OCA2: variants seen among roughly 807,000 people sequenced by gnomAD.
OCA2 encodes the protein P protein.
OCA2 carries 77 observed loss-of-function variants against 100.2 expected under a neutral mutation model. That is an observed-to-expected ratio of 0.77 (90% CI 0.64 to 0.93). OCA2 has a LOEUF of 0.93. OCA2 is among the 40% of genes least tolerant of loss of function. OCA2 has a pLI of 0.00. For synonymous variants in OCA2, 432 were observed against 439.2 expected (o/e 0.98, Z 0.21); for missense variants, 1,062 against 1,089.1 (o/e 0.98, Z 0.35).
intron 23 of OCA2, among the ~76,000 whole-genome samples, chr15:27,799,235 A>G (rs1367637905): frequency 2.4e-4 from 37 of 152,190 alleles, no homozygotes; most frequent in Admixed American, 2.4e-3. Flanking sequence ...AGTACACTAA[A>G]CACCTACTGC....
intron 19 of OCA2, among the ~76,000 whole-genome samples, chr15:27,900,162 T>G (rs1163530507): frequency 1.3e-5 from 2 of 152,172 alleles, no homozygotes; most frequent in Non-Finnish European, 2.9e-5. Flanking sequence ...CAGTAGGGAC[T>G]TTCCCCTCTA....
rs559304280 is a variant in OCA2, at chr15:27,943,510, T to C, written c.1951+8274A>G. ...AGAATCCCCTTCCCTTTCCAAAACC[T>C]TTCCCTAAGACTCTGGTAATTTTTT... On this transcript the variant is annotated intron_variant, in intron 18 of 23. Transcript: ENST00000354638. 1.6e-4 allele frequency among the ~76,000 whole-genome samples: 24 copies of C among 152,194 alleles called. No homozygotes were observed. In the South Asian group the frequency reaches 4.8e-3, roughly 30 times the overall value.
intron 9 of OCA2, among the ~76,000 whole-genome samples, chr15:28,011,052 C>T (rs1160949248): frequency 1.3e-5 from 2 of 152,148 alleles, no homozygotes; most frequent in African/African-American, 4.8e-5. Flanking sequence ...AATTTTTAAC[C>T]AAGGAGCAAA....
At chr15:27,847,353 C>G (rs1013494416) in intron 22 of OCA2, among the ~76,000 whole-genome samples, 5 of 152,344 alleles carry the variant, frequency 3.3e-5, no homozygotes, top group Admixed American at 3.3e-4. Context: ...TCTCCCTCCC[C>G]TCACAGGATG....
Position 27,766,787 on chromosome 15 carries a change from T to C in OCA2, c.2433-11315A>G, listed in dbSNP as rs574335970. 8.5e-5 allele frequency among the ~76,000 whole-genome samples: 13 copies of C among 152,318 alleles called. No homozygotes were observed. The South Asian group carries it at 1.7e-3, about 19-fold the overall frequency. ...AGGGCACCTACCTCCCAGCCATCCC[T>C]TGAACACAGGCAGGCTACCCTGGGG... On this transcript the variant is annotated intron_variant, in intron 23 of 23. Transcript: ENST00000354638.
chr15:27,834,916 G>A (rs1436337167), intron 23 of OCA2, among the ~76,000 whole-genome samples: 3 of 152,150 alleles, frequency 2.0e-5, no homozygotes, highest in African/African-American at 4.8e-5. Flanking sequence ...CTAAGCCAAC[G>A]GGACAATGCA....
chr15:28,041,615 G>A (rs1221570302), intron 2 of OCA2, among the ~76,000 whole-genome samples: 1 of 152,186 alleles, frequency 6.6e-6, no homozygotes, highest in African/African-American at 2.4e-5. Flanking sequence ...AACTTTATGT[G>A]TAGAAAACTC....
chr15:27,848,440 T>C (rs924319), intron 22 of OCA2, among the ~76,000 whole-genome samples: 54,409 of 152,074 alleles, frequency 0.36, 10,002 homozygotes, highest in Middle Eastern at 0.53. Context: ...GGGCTCCATG[T>C]GGTAGGGAGA....
chr15:27,984,669 T>A (rs2140975443), intron 13 of OCA2, among the ~76,000 whole-genome samples: 1 of 152,310 alleles, frequency 6.6e-6, no homozygotes, highest in Middle Eastern at 3.4e-3. Flanking sequence ...CAAGGGATTC[T>A]CCTGCCTCAG....
intron 23 of OCA2, among the ~76,000 whole-genome samples, chr15:27,832,460 G>T (rs556597810): frequency 8.5e-5 from 13 of 152,250 alleles, no homozygotes; most frequent in Admixed American, 8.5e-4. Flanking sequence ...CCCTCCCCCG[G>T]GTGCCTTCCA....
At chr15:27,830,435 TTAAA>T (rs1363532375) in intron 23 of OCA2, among the ~76,000 whole-genome samples, 1 of 151,748 alleles carries the variant, frequency 6.6e-6, no homozygotes, top group East Asian at 1.9e-4. Context: ...AATAAATAAA[TTAAA>T]TACTTAAAAT....
At chr15:27,936,061 T>C (rs2039440294) in intron 18 of OCA2, among the ~76,000 whole-genome samples, 1 of 152,246 alleles carries the variant, frequency 6.6e-6, no homozygotes, top group African/African-American at 2.4e-5. Flanking sequence ...CACCCTTTCA[T>C]GAAGTACTAC....
chr15:28,041,627 A>G (rs1448921555), intron 2 of OCA2, among the ~76,000 whole-genome samples: 4 of 152,234 alleles, frequency 2.6e-5, no homozygotes, highest in Admixed American at 6.5e-5. Context: ...AGAAAACTCT[A>G]AAGACTCCAT....
chr15:28,070,153 A>C (rs1186440363), intron 2 of OCA2, among the ~76,000 whole-genome samples: 11 of 93,148 alleles, frequency 1.2e-4, no homozygotes, highest in Non-Finnish European at 1.5e-4. Flanking sequence ...AAGTGAGGAG[A>C]CCCTCTGCCT....
rs978647985 is a variant in OCA2, at chr15:27,787,911, A to G, written c.2433-32439T>C. Among the ~76,000 whole-genome samples, 3 of 152,014 alleles carry G rather than the reference A, an allele frequency of 2.0e-5. 1 individual carries two copies. The highest frequency in any genetic ancestry group is 4.4e-5 in the Non-Finnish European group (3 of 67,908). ...ACACTGCTTGAGTTATATCTCATAT[A>G]TTTAATAGATTATGCTTTTATTTTA... On this transcript the variant is annotated intron_variant, in intron 23 of 23. Coordinates refer to ENST00000354638, the MANE Select transcript of OCA2 (RefSeq NM_000275.3).
At chr15:27,952,627 T>C (rs903955823) in intron 17 of OCA2, among the ~76,000 whole-genome samples, 1 of 152,088 alleles carries the variant, frequency 6.6e-6, no homozygotes, top group Non-Finnish European at 1.5e-5. Context: ...CTGCACCAGG[T>C]CCTTTCTCTT....
In OCA2 at chr15:27,783,223, A is replaced by G. The variant is rs143132037; in HGVS notation, c.2433-27751T>C. Among the ~76,000 whole-genome samples the G allele has an allele frequency of 3.4e-4, 52 of 152,346 alleles. No individual in the cohort carries two copies. In the East Asian group the frequency reaches 9.8e-3, roughly 29 times the overall value. On this transcript the variant is annotated intron_variant, in intron 23 of 23. Coordinates refer to ENST00000354638, the MANE Select transcript of OCA2 (RefSeq NM_000275.3). ...GACCCCAAGCATGAAAGTGAAAGTCATTCTTAAAGCACCTGTGAAGGTGAA... is the reference window on the plus strand; with the variant it reads ...GACCCCAAGCATGAAAGTGAAAGTCGTTCTTAAAGCACCTGTGAAGGTGAA...
chr15:27,734,276 T>TCC, the OCA2 span, among the ~76,000 whole-genome samples: 15 of 108,872 alleles, frequency 1.4e-4, no homozygotes, highest in African/African-American at 4.6e-4. Context: ...CAAAAATACC[T>TCC]TTTCAAGAGC....
chr15:27,741,681 C>T, the OCA2 span, among the ~76,000 whole-genome samples: 1 of 151,988 alleles, frequency 6.6e-6, no homozygotes, highest in Admixed American at 6.5e-5. Context: ...TTATGTAAGT[C>T]GCATGGGAAA....
Sources: gnomAD v4.1 joint callset for allele counts (sites outside exome capture counted in the v4.1 genomes callset) on GRCh38, gnomAD v4.1.1 for gene constraint, MANE v1.5 for transcripts, NCBI Gene and HGNC (gene_info 2026-07-23, HGNC 2026-07-21) for gene names.